IL1RAPL2: variants seen among roughly 807,000 people sequenced by gnomAD.
IL1RAPL2 encodes the protein interleukin 1 receptor accessory protein like 2, also known as X-linked interleukin-1 receptor accessory protein-like 2.
A neutral mutation model predicts 44.1 loss-of-function variants in IL1RAPL2; 3 were observed. The observed-to-expected ratio is 0.07, with a 90% confidence interval of 0.03 to 0.18. The LOEUF is 0.18. Among genes scored for constraint, IL1RAPL2 ranks in the 10% least tolerant of loss-of-function variants. IL1RAPL2 has a pLI of 1.00. For missense variants in IL1RAPL2, 391 were observed against 496.4 expected (o/e 0.79, Z 2.02); for synonymous variants, 181 against 178.8 (o/e 1.01, Z -0.10).
At chrX:104,776,025 G>A (rs1932713028) in intron 2 of IL1RAPL2, among the ~76,000 whole-genome samples, 1 of 111,721 alleles carries the variant, frequency 9.0e-6, no homozygotes, top group African/African-American at 3.3e-5. Flanking sequence ...TGTGGACTTG[G>A]GAGCAAGAGT....
chrX:105,032,835 C>G (rs1050357466), intron 2 of IL1RAPL2, among the ~76,000 whole-genome samples: 9 of 111,164 alleles, frequency 8.1e-5, no homozygotes, highest in African/African-American at 2.6e-4. Context: ...GTGTTAAAGT[C>G]TCCCATTATT....
chrX:105,720,480 A>G (rs2038294211), intron 7 of IL1RAPL2, among the ~76,000 whole-genome samples: 1 of 110,150 alleles, frequency 9.1e-6, no homozygotes, highest in African/African-American at 3.3e-5. Flanking sequence ...GGATTATTTC[A>G]TGTAGCACAA....
chrX:104,652,449 G>C (rs1930170616), intron 1 of IL1RAPL2, among the ~76,000 whole-genome samples: 3 of 111,805 alleles, frequency 2.7e-5, no homozygotes, highest in Admixed American at 1.9e-4. Flanking sequence ...CATAGATTTT[G>C]TTCTTTTATT....
intron 2 of IL1RAPL2, among the ~76,000 whole-genome samples, chrX:104,709,698 A>G (rs1448247203): frequency 9.0e-6 from 1 of 111,528 alleles, no homozygotes; most frequent in Non-Finnish European, 1.9e-5. Context: ...AACCGTGATC[A>G]AGAAAGTGAA....
intron 5 of IL1RAPL2, among the ~76,000 whole-genome samples, chrX:105,362,520 G>A (rs759641239): frequency 1.1e-3 from 120 of 109,796 alleles, no homozygotes; most frequent in Non-Finnish European, 1.5e-3. Flanking sequence ...TAAACTCCAC[G>A]CCCGCCCCCC....
chrX:105,014,837 C>A (rs1249020761), intron 2 of IL1RAPL2, among the ~76,000 whole-genome samples: 1 of 111,661 alleles, frequency 9.0e-6, no homozygotes, highest in Non-Finnish European at 1.9e-5. Context: ...CCCAGTACTG[C>A]GATTGCTGGG....
chrX:105,127,552 T>G (rs2032986662), intron 2 of IL1RAPL2, among the ~76,000 whole-genome samples: 1 of 110,527 alleles, frequency 9.0e-6, no homozygotes, highest in African/African-American at 3.3e-5. Flanking sequence ...ACTAGGAAAA[T>G]TATACACTTA....
intron 2 of IL1RAPL2, among the ~76,000 whole-genome samples, chrX:104,930,724 G>C (rs756882854): frequency 6.3e-5 from 7 of 111,694 alleles, no homozygotes; most frequent in African/African-American, 1.9e-4. Flanking sequence ...CATTTATTGA[G>C]AACTTACGAT....
intron 5 of IL1RAPL2, among the ~76,000 whole-genome samples, chrX:105,402,770 A>G (rs1026245325): frequency 2.7e-5 from 3 of 111,953 alleles, no homozygotes; most frequent in African/African-American, 9.7e-5. Context: ...GTTTCCTACA[A>G]AAGAATGAGT....
At chrX:105,166,877 T>C (rs1016065059) in intron 2 of IL1RAPL2, among the ~76,000 whole-genome samples, 2 of 112,362 alleles carry the variant, frequency 1.8e-5, no homozygotes, top group African/African-American at 6.5e-5. Context: ...TTCTTGGTTG[T>C]GTTTTTAAAG....
At chrX:105,747,492 ATGTGTGTGTGTG>A (rs748769479) in intron 8 of IL1RAPL2, among the ~76,000 whole-genome samples, 5 of 59,629 alleles carry the variant, frequency 8.4e-5, no homozygotes, top group African/African-American at 2.7e-4. Context: ...GTGTGTGTGT[ATGTGTGTGTGTG>A]TGTGTGTGTG....
chrX:104,943,883 A>G (rs1171433492), intron 2 of IL1RAPL2, among the ~76,000 whole-genome samples: 2 of 112,268 alleles, frequency 1.8e-5, no homozygotes, highest in African/African-American at 6.5e-5. Flanking sequence ...CTGTGCCGGA[A>G]ATTAAGACCA....
intron 2 of IL1RAPL2, among the ~76,000 whole-genome samples, chrX:104,807,955 A>G (rs1932934909): frequency 8.9e-6 from 1 of 111,951 alleles, no homozygotes; most frequent in Non-Finnish European, 1.9e-5. Context: ...CAAGATTTGG[A>G]CCAATGTTGG....
intron 6 of IL1RAPL2, among the ~76,000 whole-genome samples, chrX:105,519,089 G>T (rs2036537012): frequency 1.8e-5 from 2 of 111,969 alleles, no homozygotes; most frequent in Admixed American, 1.9e-4. Flanking sequence ...AGAAGCAGGG[G>T]CAGAGTTGGA....
chrX:105,563,525 T>G (rs577758058), intron 6 of IL1RAPL2, among the ~76,000 whole-genome samples: 2 of 112,041 alleles, frequency 1.8e-5, no homozygotes, highest in South Asian at 7.4e-4. Flanking sequence ...TCAAGTACTT[T>G]CTATATGTAG....
chrX:105,094,788 T>G (rs1190651771), intron 2 of IL1RAPL2, among the ~76,000 whole-genome samples: 1 of 111,855 alleles, frequency 8.9e-6, no homozygotes, highest in Non-Finnish European at 1.9e-5. Context: ...ATTGCCATCT[T>G]GACAACATTA....
rs1007928768 is a variant in IL1RAPL2, at chrX:105,113,027, C to T, written c.83-82448C>T. 2.7e-5 allele frequency among the ~76,000 whole-genome samples: 3 copies of T among 112,489 alleles called. No individual in the cohort carries two copies. The East Asian group carries it at 8.4e-4, about 31-fold the overall frequency. On this transcript the variant is annotated intron_variant, in intron 2 of 10. Coordinates refer to ENST00000372582, the MANE Select transcript of IL1RAPL2 (RefSeq NM_017416.2). Reference sequence around the variant, plus strand: ...AAAAAGGCAGTCTGTACAGATCTCACCTCTGGTAACCAAAAGCAAGCATCT... The same window carrying T: ...AAAAAGGCAGTCTGTACAGATCTCATCTCTGGTAACCAAAAGCAAGCATCT...
At chrX:105,528,536 C>G (rs2036609368) in intron 6 of IL1RAPL2, among the ~76,000 whole-genome samples, 1 of 111,582 alleles carries the variant, frequency 9.0e-6, no homozygotes, top group Non-Finnish European at 1.9e-5. Context: ...TTTAAACCCA[C>G]AGAATAATTG....
chrX:105,634,903 G>T (rs1259057564), intron 6 of IL1RAPL2, among the ~76,000 whole-genome samples: 1 of 111,455 alleles, frequency 9.0e-6, no homozygotes, highest in Non-Finnish European at 1.9e-5. Context: ...TTATCCTCAT[G>T]TTCTTTATGA....
Sources: allele counts gnomAD v4.1 joint callset (sites outside exome capture counted in the v4.1 genomes callset), GRCh38; gene constraint gnomAD v4.1.1; transcripts MANE v1.5; gene names NCBI Gene and HGNC (gene_info 2026-07-23, HGNC 2026-07-21).